The following TXLNB variants were observed in gnomAD, a reference collection of about 807,000 sequenced individuals.
The protein encoded by TXLNB is beta-taxilin.
In TXLNB, 37 loss-of-function variants were observed where a neutral mutation model predicts 57.4. That is an observed-to-expected ratio of 0.64 (90% CI 0.50 to 0.85). TXLNB has a LOEUF of 0.85. Among genes scored for constraint, TXLNB ranks in the 40% least tolerant of loss-of-function variants. TXLNB has a pLI of 0.00. For missense variants in TXLNB, 848 were observed against 825.6 expected (o/e 1.03, Z -0.33); for synonymous variants, 302 against 309.6 (o/e 0.98, Z 0.26).
At chr6:139,277,324 A>T (rs558559055) in intron 2 of TXLNB, 1 of 155,472 alleles carries the variant, frequency 6.4e-6, no homozygotes, top group Non-Finnish European at 1.4e-5. Flanking sequence ...AAAACAGCCA[A>T]TCAAAATTTC....
At chr6:139,224,449 ATAAT>A in the TXLNB span, among the ~76,000 whole-genome samples, 1 of 151,846 alleles carries the variant, frequency 6.6e-6, no homozygotes, top group African/African-American at 2.4e-5. Flanking sequence ...AAGTATAATA[ATAAT>A]TAATAAATAA....
the TXLNB span, among the ~76,000 whole-genome samples, chr6:139,182,010 A>T: frequency 1.3e-5 from 2 of 152,338 alleles, no homozygotes; most frequent in Non-Finnish European, 2.9e-5. Context: ...TCATGAAAAG[A>T]CTTGATCGTA....
chr6:139,288,419 G>A (rs1777225535), intron 2 of TXLNB, 57 bp downstream of exon 2: 2 of 1,490,368 alleles, frequency 1.3e-6, no homozygotes, highest in Non-Finnish European at 1.8e-6. Context: ...TGGAAGAAGT[G>A]CCCCTTTTTT....
the TXLNB span, among the ~76,000 whole-genome samples, chr6:139,168,882 G>T: frequency 6.6e-6 from 1 of 152,116 alleles, no homozygotes; most frequent in Non-Finnish European, 1.5e-5. Flanking sequence ...TTGGAATTTT[G>T]AAGACATTTC....
chr6:139,313,509 A>G, the TXLNB span, among the ~76,000 whole-genome samples: 2 of 152,178 alleles, frequency 1.3e-5, no homozygotes, highest in African/African-American at 4.8e-5. Context: ...AATGTGTATC[A>G]GGTGAGGAGA....
intron 7 of TXLNB, 62 bp from the exon 8 acceptor site, chr6:139,247,971 C>A: frequency 9.9e-7 from 1 of 1,011,678 alleles, no homozygotes; most frequent in Non-Finnish European, 1.5e-6. Context: ...TGTCATTGTT[C>A]ATTATTTAAA....
the TXLNB span, among the ~76,000 whole-genome samples, chr6:139,304,020 C>T: frequency 6.6e-6 from 1 of 151,926 alleles, no homozygotes; most frequent in African/African-American, 2.4e-5. Flanking sequence ...GACATAAGAA[C>T]CTGCCTAAAA....
the TXLNB span, among the ~76,000 whole-genome samples, chr6:139,304,766 AGT>A: frequency 6.6e-6 from 1 of 152,186 alleles, no homozygotes; most frequent in Non-Finnish European, 1.5e-5. Context: ...AAGTCCAATG[AGT>A]GTGTCATAAA....
chr6:139,310,252 T>C, the TXLNB span, among the ~76,000 whole-genome samples: 1 of 152,214 alleles, frequency 6.6e-6, no homozygotes, highest in Non-Finnish European at 1.5e-5. Context: ...ATATCCAAAA[T>C]TTGTAAAGAA....
chr6:139,169,071 C>T, the TXLNB span, among the ~76,000 whole-genome samples: 1 of 152,144 alleles, frequency 6.6e-6, no homozygotes, highest in Non-Finnish European at 1.5e-5. Context: ...ATTTGTCGTG[C>T]TTTCTGTACT....
At chr6:139,270,698 A>G (rs928710479) in intron 3 of TXLNB, 72 bp from the exon 4 acceptor site, 27 of 1,345,848 alleles carry the variant, frequency 2.0e-5, no homozygotes, top group Non-Finnish European at 2.5e-5. Context: ...AAAAAAGCAA[A>G]CCTAAAGATT....
chr6:139,238,729 T>G (rs1017729033), downstream of TXLNB, among the ~76,000 whole-genome samples: 39 of 152,230 alleles, frequency 2.6e-4, no homozygotes, highest in African/African-American at 8.2e-4. Flanking sequence ...TTGTGAAAAT[T>G]GAACCCTTAT....
the TXLNB span, among the ~76,000 whole-genome samples, chr6:139,222,953 A>C: frequency 6.6e-6 from 1 of 152,242 alleles, no homozygotes; most frequent in African/African-American, 2.4e-5. Flanking sequence ...ATGAAGAATC[A>C]ACAGGGTTAA....
At chr6:139,289,037 A>T (rs778732677) in intron 1 of TXLNB, 124 bp from the exon 2 acceptor site, 235,946 of 738,032 alleles carry the variant, frequency 0.32, 42,752 homozygotes, top group African/African-American at 0.7. Context: ...ACGTAGAGAA[A>T]GGCAATGTCC....
At chr6:139,279,079 A>G (rs1371643524) in intron 2 of TXLNB, among the ~76,000 whole-genome samples, 2 of 152,228 alleles carry the variant, frequency 1.3e-5, no homozygotes, top group African/African-American at 4.8e-5. Flanking sequence ...TTTGTGACCA[A>G]CTAGAGGAAA....
At chr6:139,269,340 G>A (rs548446685) in intron 4 of TXLNB, among the ~76,000 whole-genome samples, 16 of 152,338 alleles carry the variant, frequency 1.1e-4, no homozygotes, top group Admixed American at 1.0e-3. Context: ...CTGACAGACA[G>A]TGGATTTACG....
chr6:139,288,258 G>A (rs9495415), intron 2 of TXLNB, among the ~76,000 whole-genome samples: 6,763 of 152,254 alleles, frequency 0.044, 494 homozygotes, highest in African/African-American at 0.15. Context: ...AAGAGCAGTA[G>A]GAGGCCACGG....
rs765778305 is a variant in TXLNB, at chr6:139,242,858, A to G, written c.1723T>C (p.Ser575Pro). 3 of 1,614,014 alleles carry G rather than the reference A, an allele frequency of 1.9e-6. No individual in the cohort carries two copies. The highest frequency in any genetic ancestry group is 2.2e-5 in the South Asian group (2 of 91,068). The change falls in exon 10 of 10, where the codon TCC becomes CCC. Residue 575 changes from serine (S) to proline (P), a missense_variant. Transcript: ENST00000358430. ...CCGGCAGGAGAATTACTGGCCTTGGAGGGAGGTTCAGCATCACTGCCTCCT... is the reference window on the plus strand; with the variant it reads ...CCGGCAGGAGAATTACTGGCCTTGGGGGGAGGTTCAGCATCACTGCCTCCT... The part of the protein sequence containing the change: ...AEGGSDAEPP[S>P]KASNSPAGLG...
At chr6:139,307,810 A>C in the TXLNB span, among the ~76,000 whole-genome samples, 4 of 152,304 alleles carry the variant, frequency 2.6e-5, no homozygotes, top group Admixed American at 2.0e-4. Context: ...AAAGACTAAG[A>C]AATAATTATA....
Sources: allele counts gnomAD v4.1 joint callset (sites outside exome capture counted in the v4.1 genomes callset), GRCh38; gene constraint gnomAD v4.1.1; transcripts MANE v1.5; gene names NCBI Gene and HGNC (gene_info 2026-07-23, HGNC 2026-07-21).